Variants in BACH2 observed in about 807,000 individuals in gnomAD.
The protein encoded by BACH2 is BACH transcriptional regulator 2.
In BACH2, 5 loss-of-function variants were observed where a neutral mutation model predicts 61.8. The ratio of observed to expected loss-of-function variants is 0.08; its 90% CI spans 0.04 to 0.17. The LOEUF (loss-of-function observed/expected upper bound fraction) is 0.17, where lower values mean the gene tolerates loss of function less well. BACH2 is among the 10% of genes least tolerant of loss of function. BACH2 has a pLI of 1.00. For missense variants in BACH2, 824 were observed against 1,091.1 expected (o/e 0.76, Z 3.45); for synonymous variants, 446 against 440.1 (o/e 1.01, Z -0.17).
intron 4 of BACH2, among the ~76,000 whole-genome samples, chr6:90,189,789 G>A (rs1768502156): frequency 6.6e-6 from 1 of 152,074 alleles, no homozygotes; most frequent in Non-Finnish European, 1.5e-5. Flanking sequence ...CTTGCTTCAG[G>A]TTGGTTAATC....
At chr6:90,114,934 A>G (rs537440322) in intron 4 of BACH2, among the ~76,000 whole-genome samples, 1 of 151,876 alleles carries the variant, frequency 6.6e-6, no homozygotes, top group East Asian at 1.9e-4. Flanking sequence ...ACACACACAC[A>G]CCAAAAATAC....
chr6:90,157,704 G>A (rs1337985744), intron 4 of BACH2, among the ~76,000 whole-genome samples: 2 of 152,134 alleles, frequency 1.3e-5, no homozygotes, highest in Non-Finnish European at 2.9e-5. Context: ...CCGAGCAGAT[G>A]GCCGCTTAGA....
At chr6:90,055,749 A>G (rs1780307691) in intron 5 of BACH2, among the ~76,000 whole-genome samples, 1 of 152,168 alleles carries the variant, frequency 6.6e-6, no homozygotes, top group African/African-American at 2.4e-5. Context: ...CCACAAAGGG[A>G]AGCCCAACAG....
At chr6:90,032,172 G>A (rs1779023215) in intron 5 of BACH2, among the ~76,000 whole-genome samples, 1 of 151,776 alleles carries the variant, frequency 6.6e-6, no homozygotes, top group African/African-American at 2.4e-5. Context: ...GCTGAAACTG[G>A]ATCCCTTCCT....
At chr6:90,110,528 C>T (rs1035563649) in intron 4 of BACH2, among the ~76,000 whole-genome samples, 8 of 152,290 alleles carry the variant, frequency 5.3e-5, no homozygotes, top group Admixed American at 6.5e-5. Flanking sequence ...CCATCAATCT[C>T]GTCAGAAAAA....
intron 6 of BACH2, among the ~76,000 whole-genome samples, chr6:89,964,207 TAA>T (rs61668401): frequency 0.021 from 2,344 of 113,894 alleles, 77 homozygotes; most frequent in African/African-American, 0.066. Flanking sequence ...AAAGTATAAT[TAA>T]AAAAAAAAAA....
chr6:90,097,685 T>C (rs1252289631), intron 4 of BACH2, among the ~76,000 whole-genome samples: 3 of 152,192 alleles, frequency 2.0e-5, no homozygotes, highest in African/African-American at 7.2e-5. Flanking sequence ...AAACGTACAA[T>C]TTACCACTTT....
chr6:90,295,630 T>C (rs1772323276), intron 1 of BACH2, among the ~76,000 whole-genome samples: 1 of 150,972 alleles, frequency 6.6e-6, no homozygotes, highest in Admixed American at 6.6e-5. Flanking sequence ...GTGAAGCTTC[T>C]GGGGCTTGGA....
At chr6:90,291,011 C>A (rs1277804165) in intron 1 of BACH2, among the ~76,000 whole-genome samples, 2 of 152,136 alleles carry the variant, frequency 1.3e-5, no homozygotes, top group African/African-American at 2.4e-5. Flanking sequence ...CAACCAAGCG[C>A]CGGCTCTCAT....
chr6:89,965,199 T>C (rs12525504), intron 6 of BACH2, among the ~76,000 whole-genome samples: 13,616 of 152,272 alleles, frequency 0.089, 688 homozygotes, highest in South Asian at 0.11. Flanking sequence ...GATATACTTT[T>C]GGCTCTGCTT....
intron 1 of BACH2, among the ~76,000 whole-genome samples, chr6:90,280,747 C>G (rs1771835130): frequency 6.6e-6 from 1 of 152,160 alleles, no homozygotes; most frequent in African/African-American, 2.4e-5. Context: ...TATTGTGGCC[C>G]CAGTCAAGTC....
intron 2 of BACH2, among the ~76,000 whole-genome samples, chr6:90,267,103 A>G (rs1437765339): frequency 6.6e-6 from 1 of 152,048 alleles, no homozygotes; most frequent in Admixed American, 6.6e-5. Flanking sequence ...CAGAACTAAG[A>G]CATCTCCCCC....
chr6:90,127,211 A>C (rs1442513030), intron 4 of BACH2, among the ~76,000 whole-genome samples: 2 of 152,242 alleles, frequency 1.3e-5, no homozygotes, highest in African/African-American at 4.8e-5. Flanking sequence ...AAGTTGCTCC[A>C]AAGAGAGACT....
intron 3 of BACH2, among the ~76,000 whole-genome samples, chr6:90,233,960 T>G (rs1464245597): frequency 6.6e-6 from 1 of 152,176 alleles, no homozygotes; most frequent in Non-Finnish European, 1.5e-5. Flanking sequence ...AGAGACTAAG[T>G]GCTTATAGAA....
intron 2 of BACH2, among the ~76,000 whole-genome samples, chr6:90,260,078 T>A (rs1178315320): frequency 6.6e-6 from 1 of 152,156 alleles, no homozygotes; most frequent in East Asian, 1.9e-4. Context: ...TTTTTATTTC[T>A]TTCCTTCTAC....
At chr6:90,071,814 A>T (rs1196828356) in intron 5 of BACH2, among the ~76,000 whole-genome samples, 1 of 152,248 alleles carries the variant, frequency 6.6e-6, no homozygotes, top group Admixed American at 6.5e-5. Flanking sequence ...TGTTATATGT[A>T]TTATATACCT....
intron 4 of BACH2, among the ~76,000 whole-genome samples, chr6:90,172,674 A>T (rs1226428340): frequency 6.6e-6 from 1 of 152,182 alleles, no homozygotes; most frequent in Admixed American, 6.5e-5. Flanking sequence ...ATAAAGCATG[A>T]ATAGAAGGTA....
At chr6:90,150,193 G>A (rs999238659) in intron 4 of BACH2, among the ~76,000 whole-genome samples, 1 of 152,034 alleles carries the variant, frequency 6.6e-6, no homozygotes, top group African/African-American at 2.4e-5. Flanking sequence ...TCTCATGCCC[G>A]TGCCAGTGTT....
chr6:90,259,894 G>A (rs763619158), intron 2 of BACH2, among the ~76,000 whole-genome samples: 3 of 151,440 alleles, frequency 2.0e-5, no homozygotes, highest in African/African-American at 2.4e-5. Context: ...TTTTATTCCC[G>A]AGGTGTCTGT....
Sources: gnomAD v4.1 joint callset for allele counts (sites outside exome capture counted in the v4.1 genomes callset) on GRCh38, gnomAD v4.1.1 for gene constraint, MANE v1.5 for transcripts, NCBI Gene and HGNC (gene_info 2026-07-23, HGNC 2026-07-21) for gene names.